The following TBC1D5 variants were observed in gnomAD, a reference collection of about 807,000 sequenced individuals.
TBC1D5 encodes TBC1 domain family, member 5.
TBC1D5 carries 75 observed loss-of-function variants against 100.3 expected under a neutral mutation model. The ratio of observed to expected loss-of-function variants is 0.75; its 90% CI spans 0.62 to 0.91. TBC1D5 has a LOEUF of 0.91. Ranked by LOEUF, TBC1D5 falls within the 40% of genes least tolerant of loss-of-function variation. TBC1D5 has a pLI of 0.00. For missense variants in TBC1D5, 910 were observed against 942.4 expected (o/e 0.97, Z 0.45); for synonymous variants, 323 against 325.6 (o/e 0.99, Z 0.09).
intron 19 of TBC1D5, among the ~76,000 whole-genome samples, chr3:17,172,578 A>C (rs2470584): frequency 6.6e-6 from 1 of 152,018 alleles, no homozygotes; most frequent in Non-Finnish European, 1.5e-5. Context: ...ACATATTATA[A>C]ATGTTGGAGC....
At chr3:17,237,450 C>G (rs1473401094) in intron 17 of TBC1D5, among the ~76,000 whole-genome samples, 1 of 152,100 alleles carries the variant, frequency 6.6e-6, no homozygotes. Flanking sequence ...CTTATGAATA[C>G]AAAACATGAG....
chr3:17,434,814 A>T (rs1320060913), intron 3 of TBC1D5, among the ~76,000 whole-genome samples: 1 of 152,010 alleles, frequency 6.6e-6, no homozygotes, highest in East Asian at 1.9e-4. Flanking sequence ...TCTCCCCAGA[A>T]TTTTTTTCCC....
intron 1 of TBC1D5, among the ~76,000 whole-genome samples, chr3:17,677,039 C>T (rs1425039508): frequency 6.6e-6 from 1 of 151,982 alleles, no homozygotes; most frequent in African/African-American, 2.4e-5. Context: ...GACCTAAATC[C>T]ATAAAAACCC....
intron 3 of TBC1D5, among the ~76,000 whole-genome samples, chr3:17,485,486 C>G (rs1267772585): frequency 1.1e-5 from 1 of 92,362 alleles, no homozygotes; most frequent in Non-Finnish European, 2.1e-5. Context: ...CCTCCCCCAT[C>G]CCCCCTCCCC....
At chr3:17,608,953 C>T (rs1330013016) in intron 2 of TBC1D5, among the ~76,000 whole-genome samples, 1 of 152,196 alleles carries the variant, frequency 6.6e-6, no homozygotes, top group African/African-American at 2.4e-5. Context: ...AGCTCTGCAG[C>T]CTCCAGTGGT....
chr3:17,669,698 T>C (rs1408247555), intron 1 of TBC1D5, among the ~76,000 whole-genome samples: 2 of 152,170 alleles, frequency 1.3e-5, no homozygotes, highest in African/African-American at 4.8e-5. Flanking sequence ...CATACTAACC[T>C]CTAAAAAGAG....
intron 15 of TBC1D5, among the ~76,000 whole-genome samples, chr3:17,263,044 T>C (rs895375835): frequency 4.9e-4 from 75 of 151,558 alleles, no homozygotes; most frequent in African/African-American, 1.8e-3. Context: ...CTGGGCAAAA[T>C]AGCAAGACCA....
intron 14 of TBC1D5, among the ~76,000 whole-genome samples, chr3:17,297,179 T>A (rs2082333471): frequency 6.6e-6 from 1 of 152,244 alleles, no homozygotes; most frequent in South Asian, 2.1e-4. Flanking sequence ...CCGTTTGTAC[T>A]ATGAACTTTG....
chr3:17,557,929 TA>T (rs1241557492), intron 2 of TBC1D5, among the ~76,000 whole-genome samples: 1 of 152,146 alleles, frequency 6.6e-6, no homozygotes, highest in East Asian at 1.9e-4. Context: ...GCTTTCTGAT[TA>T]CCCAGCACAA....
intron 2 of TBC1D5, among the ~76,000 whole-genome samples, chr3:17,534,254 C>T (rs1475046635): frequency 6.6e-6 from 1 of 152,092 alleles, no homozygotes; most frequent in East Asian, 1.9e-4. Context: ...AATTTAATGA[C>T]AGATCCAAAA....
At chr3:17,735,902 G>C (rs1176356327) in intron 1 of TBC1D5, among the ~76,000 whole-genome samples, 1 of 152,216 alleles carries the variant, frequency 6.6e-6, no homozygotes, top group Non-Finnish European at 1.5e-5. Flanking sequence ...AGATTTAATA[G>C]AGTGAAAACA....
At chr3:17,189,802 T>C (rs1209342503) in intron 18 of TBC1D5, among the ~76,000 whole-genome samples, 1 of 152,192 alleles carries the variant, frequency 6.6e-6, no homozygotes, top group Non-Finnish European at 1.5e-5. Flanking sequence ...ATATTTCAGT[T>C]TCCTTTACCT....
chr3:17,282,444 T>C (rs1403617916), intron 15 of TBC1D5, among the ~76,000 whole-genome samples: 1 of 152,232 alleles, frequency 6.6e-6, no homozygotes, highest in East Asian at 1.9e-4. Flanking sequence ...GGAGATTGGT[T>C]TGTAGATTAT....
chr3:17,398,508 T>G (rs535907394), intron 8 of TBC1D5, among the ~76,000 whole-genome samples: 1 of 152,210 alleles, frequency 6.6e-6, no homozygotes, highest in African/African-American at 2.4e-5. Context: ...TCTGTGAAAA[T>G]TTAAAGATGT....
At chr3:17,503,623 A>G (rs1187722585) in intron 3 of TBC1D5, among the ~76,000 whole-genome samples, 1 of 149,820 alleles carries the variant, frequency 6.7e-6, no homozygotes, top group Non-Finnish European at 1.5e-5. Flanking sequence ...CATACAAAAA[A>G]CAAACAATAT....
intron 3 of TBC1D5, among the ~76,000 whole-genome samples, chr3:17,484,108 C>T (rs2095531401): frequency 6.6e-6 from 1 of 152,156 alleles, no homozygotes; most frequent in African/African-American, 2.4e-5. Context: ...CAAGGATCTC[C>T]TTTTCACTCC....
chr3:17,694,814 A>G, intron 1 of TBC1D5, among the ~76,000 whole-genome samples: 1 of 152,198 alleles, frequency 6.6e-6, no homozygotes, highest in Non-Finnish European at 1.5e-5. Context: ...CTAAGGTTGA[A>G]ATGAAGGAAA....
chr3:17,200,008 C>G (rs746439885), intron 18 of TBC1D5, among the ~76,000 whole-genome samples: 1 of 152,148 alleles, frequency 6.6e-6, no homozygotes, highest in Admixed American at 6.5e-5. Flanking sequence ...CTATGAACAA[C>G]TGATGAGCTA....
chr3:17,541,518 T>A (rs928160895), intron 2 of TBC1D5, among the ~76,000 whole-genome samples: 1 of 152,204 alleles, frequency 6.6e-6, no homozygotes, highest in Admixed American at 6.5e-5. Context: ...GAAAATGCAA[T>A]TGCTTTTTGT....
Sources: allele counts gnomAD v4.1 joint callset (sites outside exome capture counted in the v4.1 genomes callset), GRCh38; gene constraint gnomAD v4.1.1; transcripts MANE v1.5; gene names NCBI Gene and HGNC (gene_info 2026-07-23, HGNC 2026-07-21).